Variants in HSD17B11 observed in about 807,000 individuals in gnomAD.
The protein encoded by HSD17B11 is hydroxysteroid 17-beta dehydrogenase 11.
In HSD17B11, 22 loss-of-function variants were observed where a neutral mutation model predicts 27.8. That is an observed-to-expected ratio of 0.79 (90% CI 0.56 to 1.13). The LOEUF is 1.13. HSD17B11 is among the 50% of genes most tolerant of loss of function. HSD17B11 has a pLI of 0.00. For synonymous variants in HSD17B11, 117 were observed against 132.8 expected, an observed-to-expected ratio of 0.88 and a Z score of 0.82; for missense variants, 314 against 351.1, an observed-to-expected ratio of 0.89 and a Z score of 0.84.
Position 87,370,987 on chromosome 4 carries a change from C to T in HSD17B11, c.557+1722G>A, listed in dbSNP as rs1428855939. On this transcript the variant is annotated intron_variant, in intron 4 of 6. Transcript: ENST00000358290. ...CAGGATGGTCTCGATCTCCTGACCT[C>T]GTGATCCGCCCGCCTCGGCCTCCCA... 3.8e-5 allele frequency among the ~76,000 whole-genome samples: 5 copies of T among 132,528 alleles called. 1 individual carries two copies. The highest frequency in any genetic ancestry group is 6.2e-5 in the Non-Finnish European group (4 of 64,222). 86.9% of individuals were successfully genotyped at this position (132,528 alleles called of 152,430 possible).
At chr4:87,363,787 G>C (rs148193788) in intron 4 of HSD17B11, among the ~76,000 whole-genome samples, 386 of 152,322 alleles carry the variant, frequency 2.5e-3, no homozygotes, top group Non-Finnish European at 4.0e-3. Context: ...CACTTTCACA[G>C]TGGCAGTCTA....
intron 5 of HSD17B11, among the ~76,000 whole-genome samples, chr4:87,353,158 A>G (rs1735318289): frequency 6.8e-6 from 1 of 147,194 alleles, no homozygotes; most frequent in African/African-American, 2.6e-5. Context: ...AGTATTCTGG[A>G]TTTTTAACAG....
intron 1 of HSD17B11, among the ~76,000 whole-genome samples, chr4:87,386,140 G>C (rs1212579534): frequency 6.6e-6 from 1 of 151,464 alleles, no homozygotes; most frequent in Non-Finnish European, 1.5e-5. Flanking sequence ...TCTCACTTTT[G>C]CCCTGTTTCC....
chr4:87,359,956 TA>T (rs1279373899), intron 4 of HSD17B11, among the ~76,000 whole-genome samples: 2 of 152,130 alleles, frequency 1.3e-5, no homozygotes, highest in Non-Finnish European at 2.9e-5. Context: ...TATAAAGGAA[TA>T]AGACAATACT....
In HSD17B11 at chr4:87,372,729, G is replaced by A. The variant is rs372213288; in HGVS notation, c.537C>T (p.Val179=). The change falls in exon 4 of 7, where the codon GTC becomes GTT. Residue 179 remains valine, a synonymous_variant. Coordinates refer to ENST00000358290, the MANE Select transcript of HSD17B11 (RefSeq NM_016245.5). ...TVASAAGHVS[V]PFLLAYCSSK... ...CATACCAGTAAGCCAGTAAGAAGGG[G>A]ACCGAGACATGTCCAGCTGCCGAAG... 249 of 1,610,628 alleles carry A rather than the reference G, an allele frequency of 1.5e-4. No individual in the cohort carries two copies. Among genetic ancestry groups the A allele is most frequent in the Middle Eastern group, 3.3e-4 (2 of 6,082 alleles).
intron 4 of HSD17B11, among the ~76,000 whole-genome samples, chr4:87,371,850 C>T (rs2110124726): frequency 6.6e-6 from 1 of 152,234 alleles, no homozygotes; most frequent in African/African-American, 2.4e-5. Context: ...TAAGGGCTAG[C>T]AAAGCACAGC....
In HSD17B11 at chr4:87,391,115, AC is replaced by A; in HGVS notation, c.-46del. 1 of 1,270,510 alleles carries A rather than the reference AC, an allele frequency of 7.9e-7. No homozygotes were observed. The highest frequency in any genetic ancestry group is 1.1e-6 in the Non-Finnish European group (1 of 914,836). 78.7% of individuals were successfully genotyped at this position (1,270,510 alleles called of 1,614,324 possible). A position where few individuals can be genotyped will look rare whatever the true frequency, so the allele number is the denominator to read the frequency against. On this transcript the variant is annotated 5_prime_UTR_variant, in exon 1 of 7. Transcript: ENST00000358290. ...GTTTGGTGTGTTTTTTTTTTTTTTT[AC>A]CACTCTAAACTGCTTTTAGAGGGTA... is the stretch of plus-strand genomic sequence containing the variant.
In HSD17B11 at chr4:87,390,903, A is replaced by G; in HGVS notation, c.168T>C (p.Phe56=). 6.2e-7 allele frequency: 1 copy of G among 1,614,202 alleles called. No homozygotes were observed. The highest frequency in any genetic ancestry group is 1.1e-5 in the South Asian group (1 of 91,084). ...GAACCAGCTTGCTTTTAAGTTTAGC[A>G]AATTCATAGGCAGTCAGTCTCCCAA... ...HGIGRLTAYE[F]AKLKSKLVLW... is the part of the protein sequence containing the mutation. Residue 56 remains phenylalanine, a synonymous_variant, in exon 1 of 7, where the codon TTT becomes TTC. Transcript: ENST00000358290.
intron 5 of HSD17B11, among the ~76,000 whole-genome samples, chr4:87,341,091 C>T (rs746047049): frequency 6.6e-6 from 1 of 152,112 alleles, no homozygotes; most frequent in Non-Finnish European, 1.5e-5. Context: ...CAGGTACGTG[C>T]CCACCTTTAG....
At chr4:87,364,377 A>G (rs967987508) in intron 4 of HSD17B11, among the ~76,000 whole-genome samples, 2 of 151,952 alleles carry the variant, frequency 1.3e-5, no homozygotes, top group Admixed American at 6.6e-5. Flanking sequence ...TCTGTTTTGC[A>G]TTGTGTTATC....
intron 6 of HSD17B11, 122 bp downstream of exon 6, chr4:87,340,368 T>A: frequency 1.7e-6 from 1 of 584,188 alleles, no homozygotes; most frequent in Non-Finnish European, 2.9e-6. Context: ...GCCTGTTATT[T>A]TTATTAAGTC....
chr4:87,378,914 AT>A (rs1720032552), intron 2 of HSD17B11, among the ~76,000 whole-genome samples: 1 of 13,368 alleles, frequency 7.5e-5, no homozygotes, highest in Non-Finnish European at 1.2e-4. Flanking sequence ...AAATATATAT[AT>A]ATAAATATAT....
rs754786631 is a variant in HSD17B11, at chr4:87,337,315, C to G, written c.864G>C (p.Lys288Asn). ...LAVLKRKISVKFDAVIGYKMK... is the reference protein window; with the variant it reads ...LAVLKRKISVNFDAVIGYKMK... ...TTTTATATCCAATAACTGCATCAAA[C>G]TTAACACTGATTTTTCGTTTTAAAA... Residue 288 changes from lysine to asparagine, a missense_variant, in exon 7 of 7, where the codon AAG becomes AAC. Physicochemically the swap from Lys to Asn is moderately conservative, Grantham distance 94. Transcript: ENST00000358290. 1.2e-5 allele frequency: 20 copies of G among 1,607,366 alleles called. No homozygotes were observed. Among genetic ancestry groups the G allele is most frequent in the Non-Finnish European group, 1.6e-5 (19 of 1,175,194 alleles).
chr4:87,390,532 A>G (rs1440124401), intron 1 of HSD17B11, among the ~76,000 whole-genome samples: 1 of 152,248 alleles, frequency 6.6e-6, no homozygotes, highest in Non-Finnish European at 1.5e-5. Context: ...CTCTTTTAAT[A>G]TATAGCTAAA....
intron 5 of HSD17B11, among the ~76,000 whole-genome samples, chr4:87,355,980 T>C (rs1735376748): frequency 6.6e-6 from 1 of 152,074 alleles, no homozygotes; most frequent in African/African-American, 2.4e-5. Flanking sequence ...GCTGATGCCA[T>C]GAAAATAGGC....
At chr4:87,372,941 A>G in intron 3 of HSD17B11, 126 bp from the exon 4 acceptor site, 1 of 627,472 alleles carries the variant, frequency 1.6e-6, no homozygotes, top group East Asian at 2.8e-5. Context: ...AAAACAAACT[A>G]ACTGACAAAT....
intron 5 of HSD17B11, 61 bp from the exon 6 acceptor site, chr4:87,340,667 G>A (rs1735150228): frequency 8.8e-7 from 1 of 1,138,562 alleles, no homozygotes; most frequent in South Asian, 1.3e-5. Flanking sequence ...CTTTAGTTTG[G>A]TGCTAACCAA....
intron 2 of HSD17B11, among the ~76,000 whole-genome samples, chr4:87,381,492 T>G (rs1720166286): frequency 6.6e-6 from 1 of 151,994 alleles, no homozygotes; most frequent in African/African-American, 2.4e-5. Flanking sequence ...GGAGCGTGGC[T>G]CATGCCTATA....
Position 87,337,199 on chromosome 4 carries a change from T to C in HSD17B11, c.*77A>G. ...TGGGGATAATTAGAAAAAACAGAAG[T>C]TCAAACATTAAAATTCTGGCACTAT... On this transcript the variant is annotated 3_prime_UTR_variant, in exon 7 of 7. Coordinates refer to ENST00000358290, the MANE Select transcript of HSD17B11 (RefSeq NM_016245.5). The C allele has an allele frequency of 1.1e-6, 1 of 898,820 alleles. No homozygotes were observed. Among genetic ancestry groups the C allele is most frequent in the Non-Finnish European group, 1.8e-6 (1 of 544,294 alleles). The allele number at this position is 898,820 out of a possible 1,614,324, so 55.7% of individuals were successfully genotyped here.
Sources: gnomAD v4.1 joint callset for allele counts (sites outside exome capture counted in the v4.1 genomes callset) on GRCh38, gnomAD v4.1.1 for gene constraint, MANE v1.5 for transcripts, NCBI Gene and HGNC (gene_info 2026-07-23, HGNC 2026-07-21) for gene names.